Variants in ZBTB7C observed in about 807,000 individuals in gnomAD.
ZBTB7C encodes zinc finger and BTB domain containing 7C, also known as zinc finger and BTB domain-containing protein 7C.
ZBTB7C carries 8 observed loss-of-function variants against 25.7 expected under a neutral mutation model. The observed-to-expected ratio is 0.31, with a 90% confidence interval of 0.18 to 0.56. The LOEUF is 0.56. Ranked by LOEUF, ZBTB7C falls within the 20% of genes least tolerant of loss-of-function variation. The pLI is 0.91. For missense variants in ZBTB7C, 824 were observed against 855.2 expected, an observed-to-expected ratio of 0.96 and a Z score of 0.46; for synonymous variants, 394 against 369.0, an observed-to-expected ratio of 1.07 and a Z score of -0.78.
chr18:48,339,391 G>C (rs1398802488), intron 1 of ZBTB7C, among the ~76,000 whole-genome samples: 1 of 152,256 alleles, frequency 6.6e-6, no homozygotes, highest in Non-Finnish European at 1.5e-5. Flanking sequence ...AGAGATAGGA[G>C]TGAGAGTGGC....
At chr18:48,084,623 C>T (rs2038120221) in intron 3 of ZBTB7C, among the ~76,000 whole-genome samples, 1 of 152,166 alleles carries the variant, frequency 6.6e-6, no homozygotes, top group African/African-American at 2.4e-5. Flanking sequence ...CCTACCCTGG[C>T]CCCCGTGGCT....
chr18:48,051,345 G>A (rs915297885), intron 3 of ZBTB7C, among the ~76,000 whole-genome samples: 1 of 152,210 alleles, frequency 6.6e-6, no homozygotes, highest in Non-Finnish European at 1.5e-5. Flanking sequence ...GATTCAGGCT[G>A]AGGGTACATG....
At chr18:48,237,635 C>T (rs2043416088) in intron 2 of ZBTB7C, among the ~76,000 whole-genome samples, 2 of 150,374 alleles carry the variant, frequency 1.3e-5, no homozygotes, top group Admixed American at 1.3e-4. Context: ...CTTGTGGGAG[C>T]ATAGTTTGAT....
chr18:48,172,809 C>T (rs1360701104), intron 3 of ZBTB7C, among the ~76,000 whole-genome samples: 1 of 152,182 alleles, frequency 6.6e-6, no homozygotes, highest in Non-Finnish European at 1.5e-5. Context: ...CTGCTTCTCG[C>T]TTTTTCTGTT....
chr18:48,243,639 T>C (rs1311827353), intron 2 of ZBTB7C, among the ~76,000 whole-genome samples: 1 of 152,130 alleles, frequency 6.6e-6, no homozygotes, highest in Non-Finnish European at 1.5e-5. Context: ...CCCATCAAAA[T>C]ACTATCATCA....
chr18:48,082,608 C>T (rs1290291450), intron 3 of ZBTB7C, among the ~76,000 whole-genome samples: 3 of 152,054 alleles, frequency 2.0e-5, no homozygotes, highest in Non-Finnish European at 2.9e-5. Context: ...ATGTATTTTA[C>T]CCCAGGGAAA....
intron 3 of ZBTB7C, among the ~76,000 whole-genome samples, chr18:48,158,650 C>T (rs545172765): frequency 1.3e-5 from 2 of 152,130 alleles, no homozygotes; most frequent in Non-Finnish European, 2.9e-5. Context: ...AGTTCCTAGG[C>T]CCTCTTCTGC....
chr18:48,109,458 C>G (rs1180613428), intron 3 of ZBTB7C, among the ~76,000 whole-genome samples: 2 of 152,110 alleles, frequency 1.3e-5, no homozygotes, highest in Non-Finnish European at 2.9e-5. Flanking sequence ...TCAGATCTTT[C>G]TAGAACTGGA....
At chr18:48,047,790 T>C (rs956050213) in intron 3 of ZBTB7C, among the ~76,000 whole-genome samples, 5 of 152,216 alleles carry the variant, frequency 3.3e-5, no homozygotes, top group Non-Finnish European at 7.3e-5. Flanking sequence ...ATTTATTGAA[T>C]GCCACTTGTC....
At chr18:48,199,525 T>C (rs2042388739) in intron 2 of ZBTB7C, among the ~76,000 whole-genome samples, 1 of 152,172 alleles carries the variant, frequency 6.6e-6, no homozygotes, top group South Asian at 2.1e-4. Flanking sequence ...TCCTCTTATC[T>C]CTCTGAGGAC....
In ZBTB7C at chr18:48,047,218, C is replaced by A. The variant is rs549681929; in HGVS notation, c.-16-6095G>T. 1.7e-4 allele frequency among the ~76,000 whole-genome samples: 26 copies of A among 152,308 alleles called. No homozygotes were observed. In the South Asian group the frequency reaches 4.8e-3, roughly 28 times the overall value. Reference sequence around the variant, plus strand: ...TCCCATGCCCTGGTGGGCCAGTAGACAGCAGTGTCCCAAAGGGGATGTCAT... The same window carrying A: ...TCCCATGCCCTGGTGGGCCAGTAGAAAGCAGTGTCCCAAAGGGGATGTCAT... On this transcript the variant is annotated intron_variant, in intron 3 of 4. Coordinates refer to ENST00000590800, the MANE Select transcript of ZBTB7C (RefSeq NM_001318841.2).
chr18:48,322,503 G>T (rs936291545), intron 2 of ZBTB7C, among the ~76,000 whole-genome samples: 2 of 152,190 alleles, frequency 1.3e-5, no homozygotes, highest in African/African-American at 4.8e-5. Context: ...CAGCTCAGCG[G>T]GTGGCCAGTT....
At chr18:48,063,668 A>G (rs1186823884) in intron 3 of ZBTB7C, among the ~76,000 whole-genome samples, 2 of 151,212 alleles carry the variant, frequency 1.3e-5, no homozygotes, top group Non-Finnish European at 2.9e-5. Flanking sequence ...TTTCTCAACA[A>G]GAAGTGGTCT....
At chr18:48,406,357 G>C (rs1359613899) in intron 1 of ZBTB7C, among the ~76,000 whole-genome samples, 1 of 152,080 alleles carries the variant, frequency 6.6e-6, no homozygotes, top group Non-Finnish European at 1.5e-5. Flanking sequence ...TATTACTAGG[G>C]GGTCTCTTAT....
intron 2 of ZBTB7C, among the ~76,000 whole-genome samples, chr18:48,313,139 C>A (rs80294080): frequency 6.6e-6 from 1 of 152,152 alleles, no homozygotes; most frequent in African/African-American, 2.4e-5. Flanking sequence ...AGAGATTAAG[C>A]GAGTTATCCA....
At chr18:48,302,732 CAAA>C (rs1568363666) in intron 2 of ZBTB7C, among the ~76,000 whole-genome samples, 2 of 152,308 alleles carry the variant, frequency 1.3e-5, no homozygotes, top group Non-Finnish European at 2.9e-5. Context: ...GCCTTTCCCC[CAAA>C]AACCATAGTC....
intron 2 of ZBTB7C, among the ~76,000 whole-genome samples, chr18:48,254,220 C>A (rs980514112): frequency 3.3e-5 from 5 of 152,218 alleles, no homozygotes; most frequent in African/African-American, 1.2e-4. Flanking sequence ...AAGCTGGAAG[C>A]TTACATGGGT....
At chr18:48,403,625 C>G (rs990516003) in intron 1 of ZBTB7C, among the ~76,000 whole-genome samples, 1 of 152,134 alleles carries the variant, frequency 6.6e-6, no homozygotes, top group African/African-American at 2.4e-5. Context: ...AGACAAGGTG[C>G]CTGTTCTCAG....
At chr18:48,063,752 T>C (rs1363929221) in intron 3 of ZBTB7C, among the ~76,000 whole-genome samples, 1 of 152,212 alleles carries the variant, frequency 6.6e-6, no homozygotes, top group Non-Finnish European at 1.5e-5. Flanking sequence ...ATGTGGTTAA[T>C]CCTAATTTTG....
Sources: allele counts gnomAD v4.1 joint callset (sites outside exome capture counted in the v4.1 genomes callset), GRCh38; gene constraint gnomAD v4.1.1; transcripts MANE v1.5; gene names NCBI Gene and HGNC (gene_info 2026-07-23, HGNC 2026-07-21).